The following CCDC81 variants were observed in gnomAD, a reference collection of about 807,000 sequenced individuals.
CCDC81 encodes the protein coiled-coil domain-containing protein 81.
In CCDC81, 79 loss-of-function variants were observed where a neutral mutation model predicts 83.7. The observed-to-expected ratio is 0.94, with a 90% CI of 0.79 to 1.14. The LOEUF (loss-of-function observed/expected upper bound fraction) is 1.14. CCDC81 is among the 50% of genes most tolerant of loss of function. The pLI is 0.00. For synonymous variants in CCDC81, 252 were observed against 278.1 expected (o/e 0.91, Z 0.93); for missense variants, 791 against 778.1 (o/e 1.02, Z -0.20).
intron 1 of CCDC81, among the ~76,000 whole-genome samples, chr11:86,383,827 C>G (rs374709916): frequency 1.1e-4 from 17 of 152,288 alleles, no homozygotes; most frequent in Admixed American, 4.6e-4. Flanking sequence ...CCTCCTAAGG[C>G]AAATGATATG....
chr11:86,422,990 T>A lies in CCDC81; in HGVS notation c.*275T>A, dbSNP rs932960997. Reference sequence around the variant, plus strand: ...ACAGGGGCTGGGAATGGGATCCAGCTTCATTATGGCTGCTGGGGTGCTGCT... The same window carrying A: ...ACAGGGGCTGGGAATGGGATCCAGCATCATTATGGCTGCTGGGGTGCTGCT... On this transcript the variant is annotated 3_prime_UTR_variant, in exon 15 of 15. Coordinates refer to ENST00000445632, the MANE Select transcript of CCDC81 (RefSeq NM_001156474.2). The A allele has an allele frequency of 4.1e-5, 15 of 362,536 alleles. No homozygotes were observed. Among genetic ancestry groups the A allele is most frequent in the Non-Finnish European group, 7.5e-5 (15 of 199,676 alleles). The allele number at this position is 362,536 out of a possible 1,614,324, so 22.5% of individuals were successfully genotyped here. A position where few individuals can be genotyped will look rare whatever the true frequency, so the allele number is the denominator to read the frequency against.
chr11:86,417,861 C>T (rs973626156), intron 13 of CCDC81, among the ~76,000 whole-genome samples: 46 of 151,874 alleles, frequency 3.0e-4, no homozygotes, highest in African/African-American at 9.4e-4. Context: ...GATTCTCATG[C>T]CTCAGCCTCA....
chr11:86,378,520 T>C (rs945219922), intron 1 of CCDC81, among the ~76,000 whole-genome samples: 1 of 152,178 alleles, frequency 6.6e-6, no homozygotes, highest in African/African-American at 2.4e-5. Flanking sequence ...CAACTATGCC[T>C]TTACTAATTT....
intron 8 of CCDC81, 48 bp downstream of exon 8, chr11:86,407,749 T>G: frequency 7.1e-7 from 1 of 1,413,202 alleles, no homozygotes. Flanking sequence ...TTATACTGAT[T>G]TTTGTTTCTC....
chr11:86,386,121 T>TATTAATTTATTAATTTATTAATAA lies in CCDC81; in HGVS notation c.141+26_141+49dup, dbSNP rs572214522. 5.0e-5 allele frequency: 44 copies of TATTAATTTATTAATTTATTAATAA among 876,552 alleles called. No individual in the cohort carries two copies. The highest frequency in any genetic ancestry group is 3.3e-4 in the East Asian group (9 of 27,486). The allele number at this position is 876,552 out of a possible 1,614,324, so 54.3% of individuals were successfully genotyped here. On this transcript the variant is annotated intron_variant, in intron 2 of 14. Coordinates refer to ENST00000445632, the MANE Select transcript of CCDC81 (RefSeq NM_001156474.2). ...AGTTAACCCTGCACAAGGTAAGATT[T>TATTAATTTATTAATTTATTAATAA]ATTAATTTATTAATTTATTAATAAA... is the stretch of plus-strand genomic sequence containing the variant.
chr11:86,413,306 A>G (rs898965362), intron 11 of CCDC81, among the ~76,000 whole-genome samples: 3 of 151,542 alleles, frequency 2.0e-5, no homozygotes, highest in African/African-American at 7.3e-5. Context: ...GTCTTGGGGG[A>G]TTTTTATAGG....
chr11:86,420,559 GA>G (rs1383332299), intron 14 of CCDC81, among the ~76,000 whole-genome samples: 2 of 151,534 alleles, frequency 1.3e-5, no homozygotes, highest in Non-Finnish European at 2.9e-5. Context: ...ATTACATCTT[GA>G]AAAAAAATTA....
chr11:86,414,730 A>C, intron 11 of CCDC81, 59 bp from the exon 12 acceptor site: 8 of 1,014,150 alleles, frequency 7.9e-6, no homozygotes, highest in Non-Finnish European at 1.2e-5. Flanking sequence ...GATGATGTTA[A>C]TCCATATTAC....
At chr11:86,398,937 A>G (rs1948445940) in intron 6 of CCDC81, among the ~76,000 whole-genome samples, 1 of 152,152 alleles carries the variant, frequency 6.6e-6, no homozygotes, top group African/African-American at 2.4e-5. Flanking sequence ...CACTTTGAGG[A>G]CTGTTCCTCT....
intron 1 of CCDC81, among the ~76,000 whole-genome samples, chr11:86,375,899 A>T (rs763734043): frequency 2.6e-5 from 4 of 152,218 alleles, no homozygotes; most frequent in Non-Finnish European, 4.4e-5. Context: ...TAACTTAGAG[A>T]TGTTGCTTAG....
Position 86,400,662 on chromosome 11 carries a change from A to C in CCDC81, c.758-16A>C, listed in dbSNP as rs548839961. The C allele has an allele frequency of 1.3e-5, 20 of 1,579,078 alleles. No homozygotes were observed. The South Asian group carries it at 2.3e-4, about 18-fold the overall frequency. Reference sequence around the variant, plus strand: ...GTTGAAAGGAGACTCGTTTTCATTCATTCTTTATTCTACAGATATCTCATC... The same window carrying C: ...GTTGAAAGGAGACTCGTTTTCATTCCTTCTTTATTCTACAGATATCTCATC... On this transcript the variant is annotated splice_polypyrimidine_tract_variant and intron_variant, in intron 6 of 14. Coordinates refer to ENST00000445632, the MANE Select transcript of CCDC81 (RefSeq NM_001156474.2).
chr11:86,382,815 G>C (rs1285821495), intron 1 of CCDC81, among the ~76,000 whole-genome samples: 2 of 152,274 alleles, frequency 1.3e-5, no homozygotes, highest in South Asian at 2.1e-4. Flanking sequence ...ACCCAAATGA[G>C]AGTAGTAGTA....
intron 10 of CCDC81, among the ~76,000 whole-genome samples, chr11:86,411,161 T>C (rs1184481783): frequency 6.6e-6 from 1 of 152,214 alleles, no homozygotes; most frequent in Non-Finnish European, 1.5e-5. Context: ...TTCTACACGC[T>C]TTGACTCCTG....
intron 6 of CCDC81, among the ~76,000 whole-genome samples, chr11:86,398,323 C>T (rs898188026): frequency 1.5e-4 from 23 of 152,058 alleles, no homozygotes; most frequent in African/African-American, 3.4e-4. Flanking sequence ...AGGCAGGTAA[C>T]GCAAATGCAG....
intron 14 of CCDC81, 92 bp downstream of exon 14, chr11:86,420,145 C>T: frequency 6.9e-7 from 1 of 1,447,498 alleles, no homozygotes; most frequent in Non-Finnish European, 9.4e-7. Flanking sequence ...CAGTGGCTGC[C>T]TAGAGAACCT....
chr11:86,421,821 G>T (rs1948794878), intron 14 of CCDC81, among the ~76,000 whole-genome samples: 1 of 152,080 alleles, frequency 6.6e-6, no homozygotes, highest in Admixed American at 6.5e-5. Flanking sequence ...TGGAGGCTGA[G>T]GTGGGAGGAT....
chr11:86,387,380 C>A, intron 2 of CCDC81, 136 bp from the exon 3 acceptor site: 1 of 707,782 alleles, frequency 1.4e-6, no homozygotes, highest in Non-Finnish European at 2.3e-6. Flanking sequence ...TGCTATAGCT[C>A]TGAAGAGTCC....
At chr11:86,419,779 C>A in intron 13 of CCDC81, 149 bp from the exon 14 acceptor site, 1 of 657,062 alleles carries the variant, frequency 1.5e-6, no homozygotes, top group Non-Finnish European at 2.3e-6. Flanking sequence ...TTTCAGTATG[C>A]TTTTACAGTG....
At chr11:86,395,031 A>G (rs1339302380) in intron 4 of CCDC81, 1 of 196,914 alleles carries the variant, frequency 5.1e-6, no homozygotes, top group East Asian at 1.2e-4. Context: ...ATATTTTTAC[A>G]AAGTCTGCTA....
Sources: gnomAD v4.1 joint callset for allele counts (sites outside exome capture counted in the v4.1 genomes callset) on GRCh38, gnomAD v4.1.1 for gene constraint, MANE v1.5 for transcripts, NCBI Gene and HGNC (gene_info 2026-07-23, HGNC 2026-07-21) for gene names.